TENT4B: variants seen among roughly 807,000 people sequenced by gnomAD.
TENT4B encodes the protein terminal nucleotidyltransferase 4B, also known as PAP associated domain containing 5.
TENT4B carries 10 observed loss-of-function variants against 75.0 expected under a neutral mutation model. That is an observed-to-expected ratio of 0.13 (90% CI 0.08 to 0.23). The LOEUF is 0.23. TENT4B is among the 10% of genes least tolerant of loss of function. TENT4B has a pLI of 1.00. For synonymous variants in TENT4B, 350 were observed against 357.7 expected, an observed-to-expected ratio of 0.98 and a Z score of 0.24; for missense variants, 579 against 893.8, an observed-to-expected ratio of 0.65 and a Z score of 4.49.
chr16:50,184,679 AAAAG>A (rs1376416391), intron 1 of TENT4B, among the ~76,000 whole-genome samples: 1 of 151,802 alleles, frequency 6.6e-6, no homozygotes, highest in Non-Finnish European at 1.5e-5. Flanking sequence ...AAAGAAAAAA[AAAAG>A]AGAATAATGC....
At chr16:50,215,094 A>G (rs994746756) in intron 3 of TENT4B, among the ~76,000 whole-genome samples, 15 of 152,212 alleles carry the variant, frequency 9.9e-5, no homozygotes, top group Admixed American at 4.6e-4. Flanking sequence ...AGTCTTCTCA[A>G]ATGAGACCTC....
At chr16:50,172,889 A>T (rs1318993933) in intron 1 of TENT4B, among the ~76,000 whole-genome samples, 1 of 152,186 alleles carries the variant, frequency 6.6e-6, no homozygotes, top group Non-Finnish European at 1.5e-5. Flanking sequence ...ACAGAATGTC[A>T]TATAGTTGGA....
chr16:50,229,360 G>A lies in TENT4B; in HGVS notation c.*32G>A. 1 of 1,585,168 alleles carries A rather than the reference G, an allele frequency of 6.3e-7. No individual in the cohort carries two copies. The highest frequency in any genetic ancestry group is 8.6e-7 in the Non-Finnish European group (1 of 1,167,054). On this transcript the variant is annotated 3_prime_UTR_variant, in exon 12 of 12. Transcript: ENST00000561678. Reference sequence around the variant, plus strand: ...CTGCGCGGTGGACTGTCTTCTCTGTGCAATGATCTCATGCTCAGGACAGTT... The same window carrying A: ...CTGCGCGGTGGACTGTCTTCTCTGTACAATGATCTCATGCTCAGGACAGTT...
At chr16:50,174,742 CTTTTTTTTT>C (rs35242106) in intron 1 of TENT4B, among the ~76,000 whole-genome samples, 1 of 75,818 alleles carries the variant, frequency 1.3e-5, no homozygotes, top group Non-Finnish European at 2.7e-5. Context: ...CTCCCCTACT[CTTTTTTTTT>C]TTTTTTTTTT....
rs1036058928 is a variant in TENT4B at position 50,232,286 on chromosome 16, C to A, written c.*2958C>A. The A allele has an allele frequency of 1.0e-6, 1 of 985,262 alleles. No homozygotes were observed. The allele number at this position is 985,262 out of a possible 1,614,324, so 61.0% of individuals were successfully genotyped here. A position where few individuals can be genotyped will look rare whatever the true frequency, so the allele number is the denominator to read the frequency against. On this transcript the variant is annotated 3_prime_UTR_variant, in exon 12 of 12. Transcript: ENST00000561678. ...TCAAATCTAGCTTGGATCTGTAGGA[C>A]CTATGTTTTTTACAAGTAATTGCCC...
At position 50,234,013 on chromosome 16, in the gene TENT4B, C is replaced by T; in HGVS notation, c.*4685C>T. Reference sequence around the variant, plus strand: ...TCTTTGTGGCTTCACCACTGAGCTACCTTTCACTACACCAGCTTCTGTGTG... The same window carrying T: ...TCTTTGTGGCTTCACCACTGAGCTATCTTTCACTACACCAGCTTCTGTGTG... On this transcript the variant is annotated 3_prime_UTR_variant, in exon 12 of 12. Transcript: ENST00000561678. 1.0e-6 allele frequency: 1 copy of T among 985,454 alleles called. No homozygotes were observed. Among genetic ancestry groups the T allele is most frequent in the African/African-American group, 1.7e-5 (1 of 57,370 alleles). The allele number at this position is 985,454 out of a possible 1,614,324, so 61.0% of individuals were successfully genotyped here.
At chr16:50,157,204 A>G (rs2037917611) in intron 1 of TENT4B, among the ~76,000 whole-genome samples, 1 of 152,164 alleles carries the variant, frequency 6.6e-6, no homozygotes, top group Non-Finnish European at 1.5e-5. Context: ...GCATGTGAAA[A>G]TGGACTAGAA....
chr16:50,154,294 G>C (rs1008078986), intron 1 of TENT4B, 35 bp downstream of exon 1: 10 of 1,386,296 alleles, frequency 7.2e-6, no homozygotes, highest in Non-Finnish European at 9.3e-6. Flanking sequence ...TGGCCTGGCC[G>C]GTGCGAATGC....
intron 1 of TENT4B, among the ~76,000 whole-genome samples, chr16:50,190,693 A>C (rs549034013): frequency 6.6e-6 from 1 of 152,100 alleles, no homozygotes; most frequent in Non-Finnish European, 1.5e-5. Context: ...ATTTTAAAAC[A>C]TTATAGTAGA....
At position 50,153,835 on chromosome 16, in the gene TENT4B, G is replaced by GCGGCCT. The variant is rs751976360; in HGVS notation, c.220_225dup (p.Ser74_Ala75dup). On this transcript the variant is annotated inframe_insertion, in exon 1 of 12. Coordinates refer to ENST00000561678, the MANE Select transcript of TENT4B (RefSeq NM_001365324.3). Reference sequence around the variant, plus strand: ...CAGCAGCACCGGCAGCCCCGGCGGCGCGGCCTCGGCCCCGGCCCCGGCCCC... The same window carrying GCGGCCT: ...CAGCAGCACCGGCAGCCCCGGCGGCGCGGCCTCGGCCTCGGCCCCGGCCCCGGCCCC... The GCGGCCT allele has an allele frequency of 1.8e-5, 23 of 1,252,418 alleles. No homozygotes were observed. The highest frequency in any genetic ancestry group is 3.4e-5 in the South Asian group (1 of 29,376). 77.6% of individuals were successfully genotyped at this position (1,252,418 alleles called of 1,614,324 possible).
At chr16:50,154,936 G>A (rs959865089) in intron 1 of TENT4B, among the ~76,000 whole-genome samples, 1 of 152,170 alleles carries the variant, frequency 6.6e-6, no homozygotes, top group Non-Finnish European at 1.5e-5. Flanking sequence ...TTAGGCTGGT[G>A]AAGGTGGTGA....
chr16:50,226,312 A>G (rs1214676621), intron 10 of TENT4B, among the ~76,000 whole-genome samples: 4 of 151,100 alleles, frequency 2.6e-5, no homozygotes, highest in Non-Finnish European at 5.9e-5. Context: ...TTTTAACACC[A>G]TAGTTAGTTT....
chr16:50,165,193 T>G (rs901287052), intron 1 of TENT4B, among the ~76,000 whole-genome samples: 15 of 151,986 alleles, frequency 9.9e-5, no homozygotes, highest in African/African-American at 3.6e-4. Context: ...CATTTATTTA[T>G]TTTTTTTCTT....
At chr16:50,172,703 G>A (rs879476885) in intron 1 of TENT4B, among the ~76,000 whole-genome samples, 6 of 151,964 alleles carry the variant, frequency 3.9e-5, no homozygotes, top group Admixed American at 6.6e-5. Context: ...CACTCTTGGT[G>A]TTGCAGTTTC....
In TENT4B at chr16:50,231,910, A is replaced by G. The variant is rs994669288; in HGVS notation, c.*2582A>G. ...TCTTTTTTGAGTTTTAATACTTCCT[A>G]TATTTTGTGAATATATCAGAAATGT... On this transcript the variant is annotated 3_prime_UTR_variant, in exon 12 of 12. Coordinates refer to ENST00000561678, the MANE Select transcript of TENT4B (RefSeq NM_001365324.3). The G allele has an allele frequency of 3.4e-5, 33 of 976,938 alleles. No individual in the cohort carries two copies. The highest frequency in any genetic ancestry group is 1.6e-4 in the African/African-American group (9 of 57,016). 60.5% of individuals were successfully genotyped at this position (976,938 alleles called of 1,614,324 possible).
chr16:50,169,713 C>T (rs191004985), intron 1 of TENT4B, among the ~76,000 whole-genome samples: 18 of 152,256 alleles, frequency 1.2e-4, no homozygotes, highest in Admixed American at 1.1e-3. Context: ...GCTGTCACCC[C>T]AGGCAAAGAG....
chr16:50,189,617 C>T (rs1441832361), intron 1 of TENT4B, among the ~76,000 whole-genome samples: 1 of 150,580 alleles, frequency 6.6e-6, no homozygotes, highest in Admixed American at 6.6e-5. Context: ...CTGTATATAA[C>T]ACATCTTATT....
intron 1 of TENT4B, among the ~76,000 whole-genome samples, chr16:50,195,259 A>C (rs539588702): frequency 6.6e-6 from 1 of 152,320 alleles, no homozygotes; most frequent in South Asian, 2.1e-4. Flanking sequence ...TACAGAAGTT[A>C]GATGCTTTGT....
rs2032340286 is a variant in TENT4B, at chr16:50,232,989, G to T, written c.*3661G>T. 8 of 984,210 alleles carry T rather than the reference G, an allele frequency of 8.1e-6. No individual in the cohort carries two copies. Among genetic ancestry groups the T allele is most frequent in the Non-Finnish European group, 8.4e-6 (7 of 828,858 alleles). 61.0% of individuals were successfully genotyped at this position (984,210 alleles called of 1,614,324 possible). A position where few individuals can be genotyped will look rare whatever the true frequency, so the allele number is the denominator to read the frequency against. On this transcript the variant is annotated 3_prime_UTR_variant, in exon 12 of 12. Transcript: ENST00000561678. ...GAAATGTTAAAATTAATGAACAGAA[G>T]AATTTATTCTTACCCATCTATTCTT...
Sources: allele counts gnomAD v4.1 joint callset (sites outside exome capture counted in the v4.1 genomes callset), GRCh38; gene constraint gnomAD v4.1.1; transcripts MANE v1.5; gene names NCBI Gene and HGNC (gene_info 2026-07-23, HGNC 2026-07-21).